The following MCAM variants were observed in gnomAD, a reference collection of about 807,000 sequenced individuals.
The protein encoded by MCAM is melanoma cell adhesion molecule, also known as cell surface glycoprotein MUC18.
A neutral mutation model predicts 79.1 loss-of-function variants in MCAM; 55 were observed. The ratio of observed to expected loss-of-function variants is 0.70; its 90% CI spans 0.56 to 0.87. MCAM has a LOEUF of 0.87. MCAM is among the 40% of genes least tolerant of loss of function. The pLI, the probability that MCAM is intolerant of heterozygous loss-of-function variation, is 0.00. For missense variants in MCAM, 745 were observed against 839.8 expected, an observed-to-expected ratio of 0.89 and a Z score of 1.40; for synonymous variants, 330 against 339.8, an observed-to-expected ratio of 0.97 and a Z score of 0.32.
rs1427040178 is a variant in MCAM, at chr11:119,311,289, G to A, written c.1540C>T (p.Leu514=). Residue 514 remains leucine, a synonymous_variant, in exon 12 of 16, where the codon CTG becomes TTG. Coordinates refer to ENST00000264036, the MANE Select transcript of MCAM (RefSeq NM_006500.3). The surrounding 1 kb of genome is among the most constrained non-coding windows in gnomAD (Gnocchi z 4.4). ...DLGKNTSILF[L]ELVNLTTLTP... is the part of the protein sequence containing the mutation. ...GGGATGCAGCCCTCACCCAGCTCCA[G>A]GAAGAGGATGCTGGTGTTTTTGCCC... 1 of 1,614,188 alleles carries A rather than the reference G, an allele frequency of 6.2e-7. No individual in the cohort carries two copies. The highest frequency in any genetic ancestry group is 8.5e-7 in the Non-Finnish European group (1 of 1,180,012).
At position 119,311,818 on chromosome 11, in the gene MCAM, C is replaced by A. The variant is rs1473716955; in HGVS notation, c.1275G>T (p.Val425=). 1 of 1,614,054 alleles carries A rather than the reference C, an allele frequency of 6.2e-7. No individual in the cohort carries two copies. Among genetic ancestry groups the A allele is most frequent in the South Asian group, 1.1e-5 (1 of 91,072 alleles). Residue 425 remains valine, a synonymous_variant, in exon 10 of 16, where the codon GTG becomes GTT. Coordinates refer to ENST00000264036, the MANE Select transcript of MCAM (RefSeq NM_006500.3). This position sits in a 1 kb window ranked among gnomAD's most constrained non-coding sequence, Gnocchi z 4.4. The part of the protein sequence containing the change: ...PGLNRTQLVN[V]AIFGPPWMAF... ...GAGGGAGGGCCTCACCAAAAATGGC[C>A]ACGTTGACCAGCTGTGTGCGGTTCA... is the stretch of plus-strand genomic sequence containing the variant.
In MCAM at chr11:119,312,064, C is replaced by T; in HGVS notation, c.1131G>A (p.Trp377Ter). Residue 377 changes from tryptophan (W) to a stop codon, truncating the protein, a stop_gained, in exon 9 of 16, where the codon TGG (tryptophan) becomes TGA (stop). Transcript: ENST00000264036. LOFTEE classifies it high-confidence loss of function. The surrounding 1 kb of genome is among the most constrained non-coding windows in gnomAD (Gnocchi z 4.9). ...CCCGCCTGGGTACCTCTTCTCTCAGCCACTGGAACTCGAGGTCCTGGCTAC... is the reference window on the plus strand; with the variant it reads ...CCCGCCTGGGTACCTCTTCTCTCAGTCACTGGAACTCGAGGTCCTGGCTAC... The part of the protein sequence containing the change: ...AESSQDLEFQ[W>*]LREETGQVLE... 6.2e-7 allele frequency: 1 copy of T among 1,611,468 alleles called. No homozygotes were observed. The highest frequency in any genetic ancestry group is 8.5e-7 in the Non-Finnish European group (1 of 1,178,652).
At position 119,317,013 on chromosome 11, in the gene MCAM, GC is replaced by G. The variant is rs1950317889; in HGVS notation, c.67+21del. 30 of 1,525,148 alleles carry G rather than the reference GC, an allele frequency of 2.0e-5. No homozygotes were observed. Among genetic ancestry groups the G allele is most frequent in the East Asian group, 2.5e-5 (1 of 39,602 alleles). 94.5% of individuals were successfully genotyped at this position (1,525,148 alleles called of 1,614,324 possible). On this transcript the variant is annotated intron_variant, in intron 1 of 15. Transcript: ENST00000264036. This position sits in a 1 kb window ranked among gnomAD's most constrained non-coding sequence, Gnocchi z 6.2. Reference sequence around the variant, plus strand: ...ACCGCAGACCCCTAGCCGGGGCGCGGCCCCCCTGCGAGCGAACTCACCCGCG... The same window carrying G: ...ACCGCAGACCCCTAGCCGGGGCGCGGCCCCCTGCGAGCGAACTCACCCGCG...
chr11:119,313,824 C>A (rs1159557310), intron 5 of MCAM: 2 of 468,592 alleles, frequency 4.3e-6, no homozygotes, highest in Non-Finnish European at 5.6e-6. Context: ...GTGTGACAAC[C>A]AAAAATATCT....
At chr11:119,314,391 A>C in intron 5 of MCAM, 98 bp downstream of exon 5, 3 of 1,089,488 alleles carry the variant, frequency 2.8e-6, no homozygotes, top group Non-Finnish European at 4.2e-6. Context: ...CCTCACCTCC[A>C]GAGATCCTCC....
Position 119,317,103 on chromosome 11 carries a change from C to A in MCAM, c.-2G>T. On this transcript the variant is annotated 5_prime_UTR_variant, in exon 1 of 16. Transcript: ENST00000264036. The surrounding 1 kb of genome is among the most constrained non-coding windows in gnomAD (Gnocchi z 6.2). ...GCAGACCAGCCTGGGAAGCCCCATG[C>A]TTCCCGGCCGGAGGGCGAGAGCCAA... 6.6e-7 allele frequency: 1 copy of A among 1,525,338 alleles called. No homozygotes were observed. The allele number at this position is 1,525,338 out of a possible 1,614,324, so 94.5% of individuals were successfully genotyped here. A position where few individuals can be genotyped will look rare whatever the true frequency, so the allele number is the denominator to read the frequency against.
rs868386988 is a variant in MCAM, at chr11:119,315,615, G to A, written c.68-352C>T. 60 of 286,460 alleles carry A rather than the reference G, an allele frequency of 2.1e-4. No homozygotes were observed. The highest frequency in any genetic ancestry group is 1.2e-3 in the Middle Eastern group (1 of 822). 17.7% of individuals were successfully genotyped at this position (286,460 alleles called of 1,614,324 possible). A position where few individuals can be genotyped will look rare whatever the true frequency, so the allele number is the denominator to read the frequency against. ...CTCTCCGGGTGAGCTCAGAGTGTGG[G>A]AATGCAAAGCATGTGCCAGGCTGGG... On this transcript the variant is annotated intron_variant, in intron 1 of 15. Coordinates refer to ENST00000264036, the MANE Select transcript of MCAM (RefSeq NM_006500.3). This position sits in a 1 kb window ranked among gnomAD's most constrained non-coding sequence, Gnocchi z 4.4.
chr11:119,313,376 G>T (rs1046644280), intron 5 of MCAM: 7 of 1,212,772 alleles, frequency 5.8e-6, no homozygotes, highest in Admixed American at 3.1e-5. Context: ...TTAGACCAGG[G>T]TTTCTCAGCA....
chr11:119,310,300 C>G, intron 15 of MCAM, 49 bp downstream of exon 15: 1 of 1,229,370 alleles, frequency 8.1e-7, no homozygotes, highest in Non-Finnish European at 1.2e-6. Context: ...CCTACTGCCC[C>G]CGGTCCCTGA....
At position 119,309,690 on chromosome 11, in the gene MCAM, C is replaced by G; in HGVS notation, c.*196G>C. 1.6e-6 allele frequency: 1 copy of G among 612,326 alleles called. No homozygotes were observed. 37.9% of individuals were successfully genotyped at this position (612,326 alleles called of 1,614,324 possible). A position where few individuals can be genotyped will look rare whatever the true frequency, so the allele number is the denominator to read the frequency against. On this transcript the variant is annotated 3_prime_UTR_variant, in exon 16 of 16. Transcript: ENST00000264036. ...TCAACGTGGAGGAGATGGTGGTGGACTGGTCCCTGAAAAGCGGGCCTTGCA... is the reference window on the plus strand; with the variant it reads ...TCAACGTGGAGGAGATGGTGGTGGAGTGGTCCCTGAAAAGCGGGCCTTGCA...
At position 119,309,812 on chromosome 11, in the gene MCAM, G is replaced by C; in HGVS notation, c.*74C>G. 6.9e-7 allele frequency: 1 copy of C among 1,440,484 alleles called. No individual in the cohort carries two copies. The highest frequency in any genetic ancestry group is 1.9e-5 in the Admixed American group (1 of 52,012). 89.2% of individuals were successfully genotyped at this position (1,440,484 alleles called of 1,614,324 possible). A position where few individuals can be genotyped will look rare whatever the true frequency, so the allele number is the denominator to read the frequency against. On this transcript the variant is annotated 3_prime_UTR_variant, in exon 16 of 16. Coordinates refer to ENST00000264036, the MANE Select transcript of MCAM (RefSeq NM_006500.3). ...AGGCTTCTCTCTAGTCCCTTTGGAG[G>C]CTTTGGCTGAGAGAAGAGTGAGCAG...
intron 5 of MCAM, chr11:119,313,240 C>G (rs749682894): frequency 3.2e-5 from 45 of 1,402,604 alleles, no homozygotes; most frequent in Non-Finnish European, 3.9e-5. Context: ...ATGGTGAACT[C>G]GACTACCTGC....
At position 119,316,278 on chromosome 11, in the gene MCAM, C is replaced by G. The variant is rs777199554; in HGVS notation, c.67+757G>C. ...ACGGCGGAATGGGAGCCAAGAGAAA[C>G]ACGCGACACCGCTGCGGGCCATACA... On this transcript the variant is annotated intron_variant, in intron 1 of 15. Coordinates refer to ENST00000264036, the MANE Select transcript of MCAM (RefSeq NM_006500.3). This position sits in a 1 kb window ranked among gnomAD's most constrained non-coding sequence, Gnocchi z 4.8. 9 of 152,398 alleles carry G rather than the reference C, an allele frequency of 5.9e-5. No homozygotes were observed. The highest frequency in any genetic ancestry group is 3.9e-4 in the Admixed American group (6 of 15,310). 9.4% of individuals were successfully genotyped at this position (152,398 alleles called of 1,614,324 possible).
In MCAM at chr11:119,311,691, A is replaced by G. The variant is rs1158031063; in HGVS notation, c.1286-40T>C. 1.9e-6 allele frequency: 3 copies of G among 1,612,838 alleles called. No homozygotes were observed. The South Asian group carries it at 3.3e-5, about 18-fold the overall frequency. ...GAGAGGTGAGGTGGCAAGCCCAGCT[A>G]GCCTGCCTCCCCCTCCGCACCAGAG... is the stretch of plus-strand genomic sequence containing the variant. On this transcript the variant is annotated intron_variant, in intron 10 of 15. Transcript: ENST00000264036. This position sits in a 1 kb window ranked among gnomAD's most constrained non-coding sequence, Gnocchi z 4.4.
chr11:119,310,302 G>A (rs201144124), intron 15 of MCAM, 47 bp downstream of exon 15: 75 of 1,236,718 alleles, frequency 6.1e-5, no homozygotes, highest in Admixed American at 2.4e-4. Flanking sequence ...TACTGCCCCC[G>A]GTCCCTGAGG....
At chr11:119,313,183 T>G (rs1482233600) in intron 5 of MCAM, 1 of 1,494,432 alleles carries the variant, frequency 6.7e-7, no homozygotes, top group Middle Eastern at 1.7e-4. Context: ...CAAAGAATGC[T>G]GCAATGATAA....
In MCAM at chr11:119,316,847, T is replaced by A. The variant is rs1302683379; in HGVS notation, c.67+188A>T. 3.7e-6 allele frequency: 2 copies of A among 546,204 alleles called. No individual in the cohort carries two copies. Among genetic ancestry groups the A allele is most frequent in the Admixed American group, 3.4e-5 (1 of 29,296 alleles). The allele number at this position is 546,204 out of a possible 1,614,324, so 33.8% of individuals were successfully genotyped here. On this transcript the variant is annotated intron_variant, in intron 1 of 15. Transcript: ENST00000264036. This position sits in a 1 kb window ranked among gnomAD's most constrained non-coding sequence, Gnocchi z 4.8. ...GTGCTGCTCCCGGGATACTCTAGAA[T>A]CCCGGCTGCAAACTGGCTGCAAAGA...
Position 119,310,722 on chromosome 11 carries a change from C to T in MCAM, c.1793+34G>A, listed in dbSNP as rs751016668. 74 of 1,600,514 alleles carry T rather than the reference C, an allele frequency of 4.6e-5. 1 individual carries two copies. The highest frequency in any genetic ancestry group is 3.8e-4 in the East Asian group (17 of 44,730). ...GCAGGCAGCAGGCTGGGTGGCAAAA[C>T]GGGCGGGGGCGGAGGGGCCGGTGTT... On this transcript the variant is annotated intron_variant, in intron 14 of 15. Transcript: ENST00000264036.
At chr11:119,313,093 C>A in intron 5 of MCAM, 144 bp from the exon 6 acceptor site, 4 of 1,540,484 alleles carry the variant, frequency 2.6e-6, no homozygotes, top group Non-Finnish European at 3.5e-6. Context: ...AAGCTGGAAA[C>A]CCTTCAACCC....
Sources: gnomAD v4.1 joint callset for allele counts on GRCh38, gnomAD v4.1.1 for gene constraint, Gnocchi (gnomAD v3.1) non-coding constraint, MANE v1.5 for transcripts, NCBI Gene and HGNC (gene_info 2026-07-23, HGNC 2026-07-21) for gene names.